SLC1A5: variants seen among roughly 807,000 people sequenced by gnomAD.
SLC1A5 encodes the protein neutral amino acid transporter B(0).
In SLC1A5, 25 loss-of-function variants were observed where a neutral mutation model predicts 34.9. That is an observed-to-expected ratio of 0.72 (90% confidence interval 0.52 to 1.00). SLC1A5 has a LOEUF of 1.00. Ranked by LOEUF, SLC1A5 falls within the 50% of genes least tolerant of loss-of-function variation. The pLI is 0.00. For synonymous variants in SLC1A5, 351 were observed against 341.2 expected, an observed-to-expected ratio of 1.03 and a Z score of -0.32; for missense variants, 637 against 740.0, an observed-to-expected ratio of 0.86 and a Z score of 1.61.
Position 46,787,986 on chromosome 19 carries a change from C to T in SLC1A5, c.-21G>A. On this transcript the variant is annotated 5_prime_UTR_variant, in exon 1 of 8. Coordinates refer to ENST00000542575, the MANE Select transcript of SLC1A5 (RefSeq NM_005628.3). The surrounding 1 kb of genome is among the most constrained non-coding windows in gnomAD (Gnocchi z 5.2). The stretch of plus-strand genomic sequence containing the variant: ...ACCATGATGGGAAGCACCGGGGTTT[C>T]TTAGCGCCTGGAAGCTGGCTGGGAG... 1 of 1,528,732 alleles carries T rather than the reference C, an allele frequency of 6.5e-7. No homozygotes were observed. The highest frequency in any genetic ancestry group is 8.8e-7 in the Non-Finnish European group (1 of 1,140,966). The allele number at this position is 1,528,732 out of a possible 1,614,324, so 94.7% of individuals were successfully genotyped here.
chr19:46,784,858 G>A lies in SLC1A5; in HGVS notation c.567-299C>T, dbSNP rs114286467. On this transcript the variant is annotated intron_variant, in intron 1 of 7. Transcript: ENST00000542575. ...ACGGCAGGCCAGGGCAGGTCGCCCCGGGCCTCAGCTCCACCCCATGCAGCA... is the reference window on the plus strand; with the variant it reads ...ACGGCAGGCCAGGGCAGGTCGCCCCAGGCCTCAGCTCCACCCCATGCAGCA... 1.3e-3 allele frequency: 1,806 copies of A among 1,386,748 alleles called. 18 individuals are homozygous for A. In the African/African-American group the frequency reaches 0.023, roughly 18 times the overall value. The allele number at this position is 1,386,748 out of a possible 1,614,324, so 85.9% of individuals were successfully genotyped here.
At chr19:46,775,835 C>G in intron 7 of SLC1A5, 88 bp from the exon 8 acceptor site, 1 of 1,361,054 alleles carries the variant, frequency 7.3e-7, no homozygotes, top group Non-Finnish European at 9.8e-7. Flanking sequence ...TCCTGCCTCT[C>G]TCCCCCTGGA....
At position 46,778,832 on chromosome 19, in the gene SLC1A5, G is replaced by A. The variant is rs143579934; in HGVS notation, c.901C>T (p.Arg301Cys). ...CAGCACAGAATGTACTTGCCAAGGC[G>A]GGCAAAGAGTAAACCCACATCCTCC... ...EMEDVGLLFARLGKYILCCLL... is the reference protein window; with the variant it reads ...EMEDVGLLFACLGKYILCCLL... Residue 301 changes from arginine (R) to cysteine (C), a missense_variant, in exon 5 of 8, where the codon CGC (arginine) becomes TGC (cysteine). Transcript: ENST00000542575. 4.6e-5 allele frequency: 74 copies of A among 1,610,424 alleles called. No individual in the cohort carries two copies. The African/African-American group carries it at 5.9e-4, about 13-fold the overall frequency.
chr19:46,776,840 G>C, intron 7 of SLC1A5, 135 bp downstream of exon 7: 1 of 974,334 alleles, frequency 1.0e-6, no homozygotes, highest in Non-Finnish European at 1.5e-6. Context: ...AATGCTCAAG[G>C]TTCCCCCCAT....
chr19:46,782,811 C>A (rs1435014835), intron 3 of SLC1A5, among the ~76,000 whole-genome samples: 1 of 151,938 alleles, frequency 6.6e-6, no homozygotes, highest in Non-Finnish European at 1.5e-5. Flanking sequence ...AGGGGGCAGT[C>A]AGGGGGGACT....
rs1025472934 is a variant in SLC1A5 at position 46,788,284 on chromosome 19, G to T, written c.-319C>A. On this transcript the variant is annotated 5_prime_UTR_variant, in exon 1 of 8. Transcript: ENST00000542575. ...ATACGAGAGTTTCTCTGGGTGGGACGTGGGGCCCTTGGCTCCAGGAGGTTG... is the reference window on the plus strand; with the variant it reads ...ATACGAGAGTTTCTCTGGGTGGGACTTGGGGCCCTTGGCTCCAGGAGGTTG... 3.0e-6 allele frequency: 1 copy of T among 329,610 alleles called. No individual in the cohort carries two copies. The highest frequency in any genetic ancestry group is 4.7e-5 in the Admixed American group (1 of 21,228). 20.4% of individuals were successfully genotyped at this position (329,610 alleles called of 1,614,324 possible). A position where few individuals can be genotyped will look rare whatever the true frequency, so the allele number is the denominator to read the frequency against.
rs144011024 is a variant in SLC1A5, at chr19:46,782,490, G to A, written c.717C>T (p.Ile239=). 4.6e-5 allele frequency: 74 copies of A among 1,613,854 alleles called. No individual in the cohort carries two copies. The highest frequency in any genetic ancestry group is 6.7e-5 in the African/African-American group (5 of 74,868). Residue 239 remains isoleucine, a synonymous_variant, in exon 4 of 8, where the codon ATC becomes ATT. Coordinates refer to ENST00000542575, the MANE Select transcript of SLC1A5 (RefSeq NM_005628.3). ...MNILGLVVFA[I]VFGVALRKLG... is the part of the protein sequence containing the mutation. ...GCTTCCGCAGCGCCACACCAAAGAC[G>A]ATGGCAAACACTACCAAGCCCAGGA...
chr19:46,782,315 C>T lies in SLC1A5; in HGVS notation c.824+68G>A. On this transcript the variant is annotated intron_variant, in intron 4 of 7. Transcript: ENST00000542575. ...GCCCCATCCCAAACAGAATGCCCCG[C>T]ACCTGCCTCTGGCAGCAGACCGACC... 2 of 1,439,178 alleles carry T rather than the reference C, an allele frequency of 1.4e-6. 1 individual carries two copies. Among genetic ancestry groups the T allele is most frequent in the Non-Finnish European group, 1.9e-6 (2 of 1,042,310 alleles). 89.2% of individuals were successfully genotyped at this position (1,439,178 alleles called of 1,614,324 possible).
At chr19:46,779,424 CA>C (rs761721702) in intron 4 of SLC1A5, among the ~76,000 whole-genome samples, 2,349 of 64,540 alleles carry the variant, frequency 0.036, 43 homozygotes, top group African/African-American at 0.11. Context: ...AACTCCATCT[CA>C]AAAAAAAAAA....
intron 1 of SLC1A5, among the ~76,000 whole-genome samples, chr19:46,786,329 A>G (rs2055186327): frequency 6.6e-6 from 1 of 152,200 alleles, no homozygotes; most frequent in Non-Finnish European, 1.5e-5. Context: ...TGGCAGGCCA[A>G]GTGTGAGCTA....
chr19:46,780,433 A>C (rs763315274), intron 4 of SLC1A5, among the ~76,000 whole-genome samples: 13 of 151,880 alleles, frequency 8.6e-5, no homozygotes, highest in Non-Finnish European at 1.6e-4. Flanking sequence ...GGCTCACTAC[A>C]ACCTTTGCCT....
intron 4 of SLC1A5, among the ~76,000 whole-genome samples, chr19:46,779,446 G>A (rs973835299): frequency 1.4e-4 from 17 of 122,452 alleles, no homozygotes; most frequent in Middle Eastern, 4.7e-3. Flanking sequence ...AAAAAAAAAA[G>A]TCTCAGTGCT....
intron 1 of SLC1A5, among the ~76,000 whole-genome samples, chr19:46,785,808 G>A (rs1036656315): frequency 5.3e-5 from 8 of 152,170 alleles, no homozygotes; most frequent in African/African-American, 1.4e-4. Context: ...GGCCGGGTGC[G>A]GTGGCTCACG....
intron 4 of SLC1A5, among the ~76,000 whole-genome samples, chr19:46,779,486 T>C (rs992173383): frequency 2.0e-5 from 3 of 151,120 alleles, no homozygotes; most frequent in Admixed American, 6.6e-5. Context: ...GTCACCAGAT[T>C]TGGACTTCAC....
chr19:46,787,515 G>C lies in SLC1A5; in HGVS notation c.451C>G (p.Leu151Val). The change falls in exon 1 of 8, where the codon CTG becomes GTG. Residue 151 changes from leucine (L) to valine (V), a missense_variant. Leu to Val is a conservative substitution (Grantham distance 32, BLOSUM62 1). Coordinates refer to ENST00000542575, the MANE Select transcript of SLC1A5 (RefSeq NM_005628.3). The surrounding 1 kb of genome is among the most constrained non-coding windows in gnomAD (Gnocchi z 5.2). ...GAGGCGGCGCCCGGCTGCAGAGCCA[G>C]CGCCAAGCCCACTCCGAGCGCCGAC... The part of the protein sequence containing the change: ...LASALGVGLA[L>V]ALQPGAASAA... 1 of 1,579,382 alleles carries C rather than the reference G, an allele frequency of 6.3e-7. No individual in the cohort carries two copies. The highest frequency in any genetic ancestry group is 8.6e-7 in the Non-Finnish European group (1 of 1,163,642).
chr19:46,787,360 G>GT lies in SLC1A5; in HGVS notation c.566+39dup. The GT allele has an allele frequency of 6.4e-7, 1 of 1,559,772 alleles. No individual in the cohort carries two copies. The highest frequency in any genetic ancestry group is 1.2e-5 in the South Asian group (1 of 84,774). On this transcript the variant is annotated intron_variant, in intron 1 of 7. Transcript: ENST00000542575. The surrounding 1 kb of genome is among the most constrained non-coding windows in gnomAD (Gnocchi z 5.2). ...GTCCACGTGACCACTCCCGCCATCC[G>GT]TAACACTCTTCCCCACCTCCCGGGG... is the stretch of plus-strand genomic sequence containing the variant.
chr19:46,787,360 G>A lies in SLC1A5; in HGVS notation c.566+40C>T. The A allele has an allele frequency of 2.6e-6, 4 of 1,559,772 alleles. No homozygotes were observed. The highest frequency in any genetic ancestry group is 1.2e-5 in the South Asian group (1 of 84,774). ...GTCCACGTGACCACTCCCGCCATCC[G>A]TAACACTCTTCCCCACCTCCCGGGG... On this transcript the variant is annotated intron_variant, in intron 1 of 7. Transcript: ENST00000542575. The surrounding 1 kb of genome is among the most constrained non-coding windows in gnomAD (Gnocchi z 5.2).
intron 1 of SLC1A5, among the ~76,000 whole-genome samples, chr19:46,786,909 G>C (rs1235062867): frequency 6.6e-6 from 1 of 152,166 alleles, no homozygotes; most frequent in Non-Finnish European, 1.5e-5. Context: ...GCCTGGTTAT[G>C]TCCGAGTGAC....
chr19:46,782,379 C>T lies in SLC1A5; in HGVS notation c.824+4G>A. 6.2e-7 allele frequency: 1 copy of T among 1,606,340 alleles called. No homozygotes were observed. Among genetic ancestry groups the T allele is most frequent in the East Asian group, 2.2e-5 (1 of 44,712 alleles). On this transcript the variant is annotated splice_donor_region_variant and intron_variant, in intron 4 of 7. Transcript: ENST00000542575. ...CACCCCCAGCCTCCTCTCCCACCAC[C>T]TACCACATGATCCAGGAGACCAGAA...
Sources: allele counts gnomAD v4.1 joint callset (sites outside exome capture counted in the v4.1 genomes callset), GRCh38; gene constraint gnomAD v4.1.1; non-coding constraint Gnocchi (gnomAD v3.1); transcripts MANE v1.5; gene names NCBI Gene and HGNC (gene_info 2026-07-23, HGNC 2026-07-21).